Variants in DGKZ observed in about 807,000 individuals in gnomAD.
DGKZ encodes the protein diacylglycerol kinase zeta.
A neutral mutation model predicts 142.5 loss-of-function variants in DGKZ; 45 were observed. That is an observed-to-expected ratio of 0.32 (90% CI 0.25 to 0.40). The LOEUF (loss-of-function observed/expected upper bound fraction) is 0.40, where lower values mean the gene tolerates loss of function less well. Ranked by LOEUF, DGKZ falls within the 10% of genes least tolerant of loss-of-function variation. The pLI, the probability that DGKZ is intolerant of heterozygous loss-of-function variation, is 1.00. For synonymous variants in DGKZ, 442 were observed against 527.0 expected (o/e 0.84, Z 2.21); for missense variants, 755 against 1,306.5 (o/e 0.58, Z 6.51).
intron 14 of DGKZ, 71 bp from the exon 15 acceptor site, chr11:46,374,086 C>T (rs1944278373): frequency 1.3e-6 from 2 of 1,557,396 alleles, no homozygotes; most frequent in African/African-American, 2.7e-5. Flanking sequence ...CTGGCTCGGC[C>T]ACACGAGGCC....
rs1944981556 is a variant in DGKZ at position 46,379,576 on chromosome 11, G to GACGGCAGGCAGGGAGCCC, written c.2688+12_2688+29dup. On this transcript the variant is annotated intron_variant, in intron 30 of 30. Coordinates refer to ENST00000527911, the Ensembl canonical transcript of DGKZ. ...ATGAAGACAGACCAGCAGGTGAGCA[G>GACGGCAGGCAGGGAGCCC]ACGGCAGGCAGGGAGCCCACGAGGG... 6.2e-7 allele frequency: 1 copy of GACGGCAGGCAGGGAGCCC among 1,602,518 alleles called. No homozygotes were observed. The highest frequency in any genetic ancestry group is 1.7e-5 in the Admixed American group (1 of 58,466).
At chr11:46,374,339 C>T in intron 15 of DGKZ, 60 bp from the exon 16 acceptor site, 2 of 1,613,094 alleles carry the variant, frequency 1.2e-6, no homozygotes, top group Non-Finnish European at 1.7e-6. Flanking sequence ...CAGCCCTCCC[C>T]CAACCCCACC....
At chr11:46,363,525 T>C (rs1475455340) in intron 1 of DGKZ, among the ~76,000 whole-genome samples, 2 of 152,100 alleles carry the variant, frequency 1.3e-5, no homozygotes, top group Non-Finnish European at 2.9e-5. Flanking sequence ...TGCCTGGCAG[T>C]GTGTGGAGCC....
At chr11:46,335,854 T>C (rs1939988255) in intron 1 of DGKZ, among the ~76,000 whole-genome samples, 1 of 152,128 alleles carries the variant, frequency 6.6e-6, no homozygotes, top group East Asian at 1.9e-4. Flanking sequence ...AGCCCTCTCT[T>C]GTGGCTGCTG....
At position 46,367,964 on chromosome 11, in the gene DGKZ, AC is replaced by A. The variant is rs768005645; in HGVS notation, c.367-36del. ...GGCAGGCAGCCTCCGAGATAGACTT[AC>A]CTGGTGCCTCAGGGGCCCTCTCTTC... is the stretch of plus-strand genomic sequence containing the variant. On this transcript the variant is annotated intron_variant, in intron 3 of 30. Coordinates refer to ENST00000527911, the Ensembl canonical transcript of DGKZ. The surrounding 1 kb of genome is among the most constrained non-coding windows in gnomAD (Gnocchi z 4.1). The A allele has an allele frequency of 3.1e-5, 50 of 1,610,116 alleles. No individual in the cohort carries two copies. In the African/African-American group the frequency reaches 5.5e-4, roughly 18 times the overall value.
At chr11:46,363,448 C>T (rs1234301757) in intron 1 of DGKZ, among the ~76,000 whole-genome samples, 1 of 152,232 alleles carries the variant, frequency 6.6e-6, no homozygotes, top group African/African-American at 2.4e-5. Context: ...CTTGCCCACC[C>T]CACTCTGCTG....
At chr11:46,377,578 C>A (rs986129512) in intron 25 of DGKZ, 3 of 298,366 alleles carry the variant, frequency 1.0e-5, no homozygotes, top group Non-Finnish European at 1.9e-5. Flanking sequence ...GAACCCCCAT[C>A]TCCATACCAC....
At chr11:46,333,169 C>T in exon 1 of DGKZ, 6 of 1,017,160 alleles carry the variant, frequency 5.9e-6, no homozygotes, top group Non-Finnish European at 7.5e-6. Context: ...GAACCCGGCG[C>T]TCCCCTCCCT....
chr11:46,364,297 C>A, intron 1 of DGKZ: 2 of 1,161,392 alleles, frequency 1.7e-6, no homozygotes, highest in Non-Finnish European at 2.3e-6. Flanking sequence ...AGTACCTATT[C>A]CTTGGGGTTG....
intron 14 of DGKZ, among the ~76,000 whole-genome samples, chr11:46,373,646 C>T (rs1347763085): frequency 1.3e-5 from 2 of 151,786 alleles, no homozygotes; most frequent in Non-Finnish European, 2.9e-5. Flanking sequence ...TACAGGCACC[C>T]GCCACCACAC....
chr11:46,345,405 G>A, upstream of DGKZ: 1 of 1,430,380 alleles, frequency 7.0e-7, no homozygotes. This position sits in a 1 kb window ranked among gnomAD's most constrained non-coding sequence, Gnocchi z 4.1. Context: ...GAGTCGCCGG[G>A]CAGGATGAGC....
At position 46,378,271 on chromosome 11, in the gene DGKZ, G is replaced by C. The variant is rs1486020343; in HGVS notation, c.2374+42G>C. 36 of 1,584,896 alleles carry C rather than the reference G, an allele frequency of 2.3e-5. No homozygotes were observed. In the Admixed American group the frequency reaches 6.2e-4, roughly 27 times the overall value. On this transcript the variant is annotated intron_variant, in intron 26 of 30. Transcript: ENST00000527911. ...TGGGGCCCCTCCTTTCTGCCTGGTT[G>C]GGGGCAGGAGGCTCAGTGGGGTGGG...
Position 46,367,682 on chromosome 11 carries a change from T to A in DGKZ, c.301T>A (p.Phe101Ile), listed in dbSNP as rs766181435. 3.1e-6 allele frequency: 5 copies of A among 1,608,986 alleles called. No homozygotes were observed. In the Admixed American group the frequency reaches 8.3e-5, roughly 27 times the overall value. Residue 101 changes from phenylalanine to isoleucine, a missense_variant, in exon 3 of 31, where the codon TTC becomes ATC. Phe to Ile is a conservative substitution (Grantham distance 21). This residue lies in a region of DGKZ where 81 missense variants were observed against 86.5 expected (regional missense o/e 0.94). Coordinates refer to ENST00000527911, the Ensembl canonical transcript of DGKZ. This position sits in a 1 kb window ranked among gnomAD's most constrained non-coding sequence, Gnocchi z 4.1. The stretch of plus-strand genomic sequence containing the variant: ...AGCGACATATGGGGAGCACATCTGG[T>A]TCGAGACCAACGTGTCCGGGGACTT...
rs1194706256 is a variant in DGKZ, at chr11:46,377,228, C to T, written c.2342+16C>T. The T allele has an allele frequency of 6.4e-7, 1 of 1,572,854 alleles. No individual in the cohort carries two copies. The highest frequency in any genetic ancestry group is 1.2e-5 in the South Asian group (1 of 83,864). On this transcript the variant is annotated intron_variant, in intron 25 of 30. Coordinates refer to ENST00000527911, the Ensembl canonical transcript of DGKZ. Reference sequence around the variant, plus strand: ...CCACGCCCCGGTGAGTCCTGGTGTCCCGTCCCTCCAGCCCCTGGCTTTCAG... The same window carrying T: ...CCACGCCCCGGTGAGTCCTGGTGTCTCGTCCCTCCAGCCCCTGGCTTTCAG...
chr11:46,379,378 T>A, intron 29 of DGKZ, 91 bp from the exon 30 acceptor site: 1 of 1,568,280 alleles, frequency 6.4e-7, no homozygotes, highest in Non-Finnish European at 8.7e-7. Context: ...CCCAGAGCCC[T>A]GAACTTCCTG....
intron 1 of DGKZ, among the ~76,000 whole-genome samples, chr11:46,340,181 A>G (rs1202869591): frequency 2.6e-5 from 4 of 152,248 alleles, no homozygotes; most frequent in African/African-American, 9.6e-5. Flanking sequence ...TCAGGCTTGC[A>G]AAGGCCTAGA....
At chr11:46,333,184 G>T in exon 1 of DGKZ, 2 of 1,132,146 alleles carry the variant, frequency 1.8e-6, no homozygotes, top group Non-Finnish European at 2.2e-6. Context: ...CTCCCTCCCC[G>T]CCTCGCGTCC....
At chr11:46,335,890 C>A (rs1044453241) in intron 1 of DGKZ, among the ~76,000 whole-genome samples, 1 of 152,220 alleles carries the variant, frequency 6.6e-6, no homozygotes, top group Non-Finnish European at 1.5e-5. Flanking sequence ...GGCCTCCTGG[C>A]AGGGGGACTG....
In DGKZ at chr11:46,369,688, T is replaced by C. The variant is rs1590576707; in HGVS notation, c.501+138T>C. The C allele has an allele frequency of 5.0e-6, 6 of 1,199,650 alleles. No individual in the cohort carries two copies. In the East Asian group the frequency reaches 9.6e-5, roughly 19 times the overall value. 74.3% of individuals were successfully genotyped at this position (1,199,650 alleles called of 1,614,324 possible). A position where few individuals can be genotyped will look rare whatever the true frequency, so the allele number is the denominator to read the frequency against. Reference sequence around the variant, plus strand: ...ACTGAGGTCTGTCTGAGGTCTGCCATGCGGAGGCCTAACTAGCGCTGCCTG... The same window carrying C: ...ACTGAGGTCTGTCTGAGGTCTGCCACGCGGAGGCCTAACTAGCGCTGCCTG... On this transcript the variant is annotated intron_variant, in intron 5 of 30. Coordinates refer to ENST00000527911, the Ensembl canonical transcript of DGKZ.
Sources: allele counts gnomAD v4.1 joint callset (sites outside exome capture counted in the v4.1 genomes callset), GRCh38; gene constraint gnomAD v4.1.1; regional missense constraint gnomAD v4.1.1; non-coding constraint Gnocchi (gnomAD v3.1); transcripts MANE v1.5; gene names NCBI Gene and HGNC (gene_info 2026-07-23, HGNC 2026-07-21).